THOC2: variants seen among roughly 807,000 people sequenced by gnomAD.
THOC2 encodes the protein THO complex 2.
Under a neutral mutation model 128.4 loss-of-function variants are expected in THOC2, and 10 were observed. The observed-to-expected ratio is 0.08, with a 90% CI of 0.05 to 0.13. The LOEUF is 0.13. Ranked by LOEUF, THOC2 falls within the 10% of genes least tolerant of loss-of-function variation. The probability of loss-of-function intolerance (pLI) is 1.00; values close to 1 mark genes in which losing one functional copy is unlikely to be tolerated. For missense variants in THOC2, 535 were observed against 1,155.7 expected, an observed-to-expected ratio of 0.46 and a Z score of 7.79; for synonymous variants, 393 against 396.9, an observed-to-expected ratio of 0.99 and a Z score of 0.12.
intron 12 of THOC2, among the ~76,000 whole-genome samples, chrX:123,651,237 G>A (rs1451830608): frequency 2.7e-5 from 3 of 111,951 alleles, no homozygotes; most frequent in African/African-American, 9.7e-5. Flanking sequence ...AAATAAACAA[G>A]TTATTTGAAA....
chrX:123,727,071 C>T (rs1003948438), intron 1 of THOC2, among the ~76,000 whole-genome samples: 2 of 109,890 alleles, frequency 1.8e-5, no homozygotes, highest in Admixed American at 2.0e-4. Context: ...TTTTAATTAG[C>T]CAGGCATGGT....
chrX:123,728,968 G>A (rs2052113701), intron 1 of THOC2, among the ~76,000 whole-genome samples: 1 of 111,818 alleles, frequency 8.9e-6, no homozygotes, highest in Non-Finnish European at 1.9e-5. Flanking sequence ...GAAATGCTGA[G>A]TTCACTGTGT....
chrX:123,731,432 T>C (rs2052248489), intron 1 of THOC2, among the ~76,000 whole-genome samples: 1 of 111,819 alleles, frequency 8.9e-6, no homozygotes, highest in African/African-American at 3.3e-5. Flanking sequence ...GACCAATTAA[T>C]TGCTAACCTG....
chrX:123,611,566 G>A, intron 36 of THOC2, 50 bp from the exon 37 acceptor site: 1 of 876,815 alleles, frequency 1.1e-6, no homozygotes, highest in Non-Finnish European at 1.7e-6. Context: ...AAATATAAAA[G>A]CCAGCTCAAA....
At chrX:123,660,148 T>A (rs956691218) in intron 12 of THOC2, among the ~76,000 whole-genome samples, 6 of 111,801 alleles carry the variant, frequency 5.4e-5, no homozygotes, top group Non-Finnish European at 1.1e-4. Flanking sequence ...TCTGCAAGAA[T>A]AGACTGGAGT....
chrX:123,624,993 T>C (rs913458308), intron 25 of THOC2, among the ~76,000 whole-genome samples: 3 of 111,550 alleles, frequency 2.7e-5, no homozygotes, highest in Non-Finnish European at 3.8e-5. Context: ...CACTTAGCCA[T>C]ACATATTACT....
chrX:123,625,781 C>T, intron 25 of THOC2, 131 bp downstream of exon 25: 1 of 664,251 alleles, frequency 1.5e-6, no homozygotes, highest in Non-Finnish European at 2.3e-6. Flanking sequence ...AGTAGTAGAG[C>T]TAGGATTCAA....
Position 123,712,863 on chromosome X carries a change from A to C in THOC2, c.117T>G (p.Ser39Arg). Reference sequence around the variant, plus strand: ...TAAAAATCTTACCTCTGTATGTTGAACTATCATGGCTTTTATTTTCACTGA... The same window carrying C: ...TAAAAATCTTACCTCTGTATGTTGACCTATCATGGCTTTTATTTTCACTGA... Reference protein sequence around the residue: ...RILSENKSHDSSTYRDFQQAL... With the variant: ...RILSENKSHDRSTYRDFQQAL... The change falls in exon 2 of 39, where the codon AGT becomes AGG. Residue 39 changes from serine to arginine, a missense_variant. By Grantham distance (110) the Ser-to-Arg change is moderately radical (BLOSUM62 -1). Around this residue, in one of 9 missense-constraint regions of THOC2, gnomAD observed 61 missense variants for 84.3 expected, o/e 0.72. Coordinates refer to ENST00000245838, the MANE Select transcript of THOC2 (RefSeq NM_001081550.2). The C allele has an allele frequency of 8.6e-7, 1 of 1,167,029 alleles. No homozygotes were observed. Among genetic ancestry groups the C allele is most frequent in the Admixed American group, 2.5e-5 (1 of 39,303 alleles).
chrX:123,640,453 C>G, intron 16 of THOC2, 85 bp downstream of exon 16: 1 of 651,317 alleles, frequency 1.5e-6, no homozygotes, highest in Non-Finnish European at 2.3e-6. Context: ...GTTTCATTTT[C>G]TAACATCATT....
chrX:123,617,791 A>T (rs1408310007), intron 33 of THOC2, among the ~76,000 whole-genome samples: 1 of 111,675 alleles, frequency 9.0e-6, no homozygotes, highest in Non-Finnish European at 1.9e-5. Flanking sequence ...AAATATTCAG[A>T]AGTTAACACT....
At chrX:123,712,017 T>C (rs923815081) in intron 2 of THOC2, among the ~76,000 whole-genome samples, 1 of 105,691 alleles carries the variant, frequency 9.5e-6, no homozygotes, top group East Asian at 2.9e-4. Context: ...TGATTTTTGG[T>C]AGAACAAAAA....
intron 12 of THOC2, among the ~76,000 whole-genome samples, chrX:123,648,271 T>C (rs1395577074): frequency 8.9e-6 from 1 of 111,944 alleles, no homozygotes; most frequent in Non-Finnish European, 1.9e-5. Flanking sequence ...CAGTGCATTC[T>C]GGCCCAGATA....
rs776304316 is a variant in THOC2 at position 123,711,322 on chromosome X, G to A, written c.130+1528C>T. On this transcript the variant is annotated intron_variant, in intron 2 of 38. Coordinates refer to ENST00000245838, the MANE Select transcript of THOC2 (RefSeq NM_001081550.2). ...GCTAGGATTACAGGCGTGAGCCACC[G>A]CACCTGGCCCAAATGTTCTTTAAAA... Among the ~76,000 whole-genome samples the A allele has an allele frequency of 2.8e-5, 3 of 106,326 alleles. No homozygotes were observed. In the South Asian group the frequency reaches 1.3e-3, roughly 47 times the overall value. 92.3% of individuals were successfully genotyped at this position (106,326 alleles called of 115,157 possible). A position where few individuals can be genotyped will look rare whatever the true frequency, so the allele number is the denominator to read the frequency against.
chrX:123,713,122 A>G (rs1170955816), intron 1 of THOC2, among the ~76,000 whole-genome samples: 1 of 112,201 alleles, frequency 8.9e-6, no homozygotes, highest in Non-Finnish European at 1.9e-5. Context: ...ATCACCATTT[A>G]AGACCCCTAA....
intron 1 of THOC2, among the ~76,000 whole-genome samples, chrX:123,715,597 C>G (rs1018839188): frequency 9.3e-6 from 1 of 107,137 alleles, no homozygotes; most frequent in Non-Finnish European, 1.9e-5. Context: ...GCCTGGGCAA[C>G]ATGGTGAAAC....
rs1298253936 is a variant in THOC2 at position 123,729,893 on chromosome X, C to T, written c.71+3059G>A. On this transcript the variant is annotated intron_variant, in intron 1 of 38. Transcript: ENST00000245838. Reference sequence around the variant, plus strand: ...ACCTATCTTTAGGAAGACACAAAAACTCCAAAGACATGCTATATGCAACAA... The same window carrying T: ...ACCTATCTTTAGGAAGACACAAAAATTCCAAAGACATGCTATATGCAACAA... Among the ~76,000 whole-genome samples the T allele has an allele frequency of 4.5e-5, 5 of 112,242 alleles. No homozygotes were observed. The South Asian group carries it at 1.5e-3, about 33-fold the overall frequency.
chrX:123,608,170 G>A (rs765903503), intron 38 of THOC2, among the ~76,000 whole-genome samples: 49 of 111,287 alleles, frequency 4.4e-4, no homozygotes, highest in African/African-American at 1.5e-3. Flanking sequence ...GGAGGCCGAG[G>A]CAGGTGGATC....
Position 123,622,546 on chromosome X carries a change from T to C in THOC2, c.3785+212A>G, listed in dbSNP as rs151080868. On this transcript the variant is annotated intron_variant, in intron 30 of 38. Transcript: ENST00000245838. ...CCACTCCCCTTCTACTCATGAGGAC[T>C]CATAGAAGAATTTAGAATTATGAGG... Among the ~76,000 whole-genome samples the C allele has an allele frequency of 3.4e-4, 38 of 111,655 alleles. 1 individual carries two copies. The Middle Eastern group carries it at 0.014, about 41-fold the overall frequency.
At chrX:123,606,533 G>A (rs1432841260) in intron 38 of THOC2, among the ~76,000 whole-genome samples, 1 of 111,449 alleles carries the variant, frequency 9.0e-6, no homozygotes, top group Non-Finnish European at 1.9e-5. Flanking sequence ...GGTAGAGGTT[G>A]CAGTGAGCCA....
Sources: allele counts gnomAD v4.1 joint callset (sites outside exome capture counted in the v4.1 genomes callset), GRCh38; gene constraint gnomAD v4.1.1; regional missense constraint gnomAD v4.1.1; transcripts MANE v1.5; gene names NCBI Gene and HGNC (gene_info 2026-07-23, HGNC 2026-07-21).